The following CADM2 variants were observed in gnomAD, a reference collection of about 807,000 sequenced individuals.
CADM2 encodes the protein cell adhesion molecule 2, also known as immunoglobulin superfamily member 4D.
Under a neutral mutation model 49.8 loss-of-function variants are expected in CADM2, and 12 were observed. The observed-to-expected ratio is 0.24, with a 90% CI of 0.15 to 0.39. The LOEUF (loss-of-function observed/expected upper bound fraction) is 0.39. CADM2 is among the 10% of genes least tolerant of loss of function. The pLI is 1.00. For missense variants in CADM2, 378 were observed against 492.3 expected (o/e 0.77, Z 2.20); for synonymous variants, 214 against 175.4 (o/e 1.22, Z -1.74).
intron 1 of CADM2, among the ~76,000 whole-genome samples, chr3:85,641,618 A>G (rs2064716266): frequency 6.6e-6 from 1 of 152,082 alleles, no homozygotes; most frequent in South Asian, 2.1e-4. Flanking sequence ...GATATCAGGT[A>G]TGAAGGTTAG....
At chr3:85,733,540 C>T (rs2068019244) in intron 2 of CADM2, among the ~76,000 whole-genome samples, 1 of 152,108 alleles carries the variant, frequency 6.6e-6, no homozygotes, top group Non-Finnish European at 1.5e-5. Flanking sequence ...ATTCCATTTG[C>T]AAGTCTAAAA....
chr3:85,928,843 T>TAAGG (rs2108521521), intron 6 of CADM2, among the ~76,000 whole-genome samples: 1 of 152,204 alleles, frequency 6.6e-6, no homozygotes, highest in South Asian at 2.1e-4. Flanking sequence ...GCATGAGATA[T>TAAGG]AAGGACACAC....
At chr3:85,200,532 G>T (rs995787003) in intron 1 of CADM2, among the ~76,000 whole-genome samples, 1 of 152,066 alleles carries the variant, frequency 6.6e-6, no homozygotes, top group Non-Finnish European at 1.5e-5. Context: ...CTTTCTAGGA[G>T]AGATCAGTCA....
At chr3:85,483,630 T>C (rs2039302657) in intron 1 of CADM2, among the ~76,000 whole-genome samples, 1 of 150,332 alleles carries the variant, frequency 6.7e-6, no homozygotes, top group South Asian at 2.1e-4. Flanking sequence ...ATAGTATTTA[T>C]GTAGTCAAGT....
chr3:85,659,684 A>G (rs953671629), intron 1 of CADM2, among the ~76,000 whole-genome samples: 5 of 152,188 alleles, frequency 3.3e-5, no homozygotes, highest in Non-Finnish European at 5.9e-5. Flanking sequence ...TAAATTTGTG[A>G]CAGCTCTCAG....
chr3:85,546,398 C>A (rs1453768191), intron 1 of CADM2, among the ~76,000 whole-genome samples: 1 of 152,144 alleles, frequency 6.6e-6, no homozygotes, highest in Non-Finnish European at 1.5e-5. Context: ...ATCGTGCCAT[C>A]TCCCTCTCTT....
At chr3:85,533,826 G>T (rs542819096) in intron 1 of CADM2, among the ~76,000 whole-genome samples, 1 of 152,134 alleles carries the variant, frequency 6.6e-6, no homozygotes, top group Non-Finnish European at 1.5e-5. Flanking sequence ...TCTGGATGCC[G>T]GAAGTTAGTT....
chr3:85,769,242 A>ATAGTATATATACACACATATACACATG (rs1559643911), intron 2 of CADM2, among the ~76,000 whole-genome samples: 1 of 99,898 alleles, frequency 1.0e-5, no homozygotes, highest in Non-Finnish European at 2.0e-5. Flanking sequence ...ATATACACAT[A>ATAGTATATATACACACATATACACATG]TATACATATA....
chr3:85,842,737 A>G (rs2108267326), intron 3 of CADM2, among the ~76,000 whole-genome samples: 1 of 152,058 alleles, frequency 6.6e-6, no homozygotes, highest in African/African-American at 2.4e-5. Context: ...TGTTTATTAA[A>G]CTTAGTCTTA....
chr3:85,801,139 A>C (rs559622507), intron 2 of CADM2, among the ~76,000 whole-genome samples: 2 of 152,308 alleles, frequency 1.3e-5, no homozygotes, highest in African/African-American at 2.4e-5. Flanking sequence ...TCTTCAGATC[A>C]TCTTGCTGAA....
intron 1 of CADM2, among the ~76,000 whole-genome samples, chr3:85,266,305 G>T (rs972723051): frequency 9.2e-5 from 14 of 151,946 alleles, no homozygotes; most frequent in Non-Finnish European, 1.9e-4. Flanking sequence ...AAAAGTAAAT[G>T]AATTCAAATG....
intron 5 of CADM2, among the ~76,000 whole-genome samples, chr3:85,894,775 C>T (rs1714989236): frequency 1.3e-5 from 2 of 152,326 alleles, no homozygotes; most frequent in South Asian, 4.1e-4. Flanking sequence ...GGCCAACTTA[C>T]AGCTCAGGAT....
chr3:85,158,796 C>G (rs1056517989), intron 1 of CADM2, among the ~76,000 whole-genome samples: 1 of 151,768 alleles, frequency 6.6e-6, no homozygotes, highest in Non-Finnish European at 1.5e-5. Flanking sequence ...ACATATGTAA[C>G]TAACTTGCAC....
chr3:85,269,470 C>G (rs1202840957), intron 1 of CADM2, among the ~76,000 whole-genome samples: 1 of 151,322 alleles, frequency 6.6e-6, no homozygotes, highest in Non-Finnish European at 1.5e-5. Flanking sequence ...ACTTAATACT[C>G]CAATAAATGT....
chr3:85,348,615 G>C (rs186564391), intron 1 of CADM2, among the ~76,000 whole-genome samples: 8 of 152,124 alleles, frequency 5.3e-5, no homozygotes, highest in Admixed American at 5.2e-4. Flanking sequence ...AAAATGCACA[G>C]TGTTCATCTG....
chr3:85,657,263 A>AAAT (rs1028331509), intron 1 of CADM2, among the ~76,000 whole-genome samples: 6 of 152,154 alleles, frequency 3.9e-5, no homozygotes, highest in African/African-American at 1.4e-4. Flanking sequence ...ATTTTCACTT[A>AAAT]TTTGAGTTTT....
chr3:85,045,135 T>G (rs2107380497), intron 1 of CADM2, among the ~76,000 whole-genome samples: 1 of 152,282 alleles, frequency 6.6e-6, no homozygotes, highest in Admixed American at 6.6e-5. Flanking sequence ...ACATTTATTC[T>G]GATACCTAGG....
At chr3:85,382,367 G>A (rs1043872246) in intron 1 of CADM2, among the ~76,000 whole-genome samples, 7 of 152,050 alleles carry the variant, frequency 4.6e-5, no homozygotes, top group African/African-American at 1.4e-4. Flanking sequence ...CAGTGGGCAC[G>A]CTCCTTAGAT....
chr3:85,392,445 T>A (rs2034562641), intron 1 of CADM2, among the ~76,000 whole-genome samples: 1 of 152,122 alleles, frequency 6.6e-6, no homozygotes, highest in South Asian at 2.1e-4. Flanking sequence ...TAGTTTGTTC[T>A]TGGAGTCTAC....
Sources: gnomAD v4.1 joint callset for allele counts (sites outside exome capture counted in the v4.1 genomes callset) on GRCh38, gnomAD v4.1.1 for gene constraint, MANE v1.5 for transcripts, NCBI Gene and HGNC (gene_info 2026-07-23, HGNC 2026-07-21) for gene names.